Variants in TAS2R1 observed in about 807,000 individuals in gnomAD.
The protein encoded by TAS2R1 is taste 2 receptor member 1, also known as taste receptor type 2 member 1.
For missense variants in TAS2R1, 370 were observed against 353.4 expected, an observed-to-expected ratio of 1.05 and a Z score of -0.38; for synonymous variants, 141 against 134.2, an observed-to-expected ratio of 1.05 and a Z score of -0.35.
upstream of TAS2R1, among the ~76,000 whole-genome samples, chr5:9,634,402 G>A (rs1307696025): frequency 2.0e-5 from 3 of 150,798 alleles, no homozygotes; most frequent in Admixed American, 2.0e-4. Flanking sequence ...TATTGTTGTT[G>A]TTGTTGCGTA....
Position 9,630,174 on chromosome 5 carries a change from G to A in TAS2R1, c.-142C>T, listed in dbSNP as rs1265983837. 1 of 640,864 alleles carries A rather than the reference G, an allele frequency of 1.6e-6. No homozygotes were observed. The highest frequency in any genetic ancestry group is 2.5e-6 in the Non-Finnish European group (1 of 394,082). 39.7% of individuals were successfully genotyped at this position (640,864 alleles called of 1,614,324 possible). On this transcript the variant is annotated 5_prime_UTR_variant, in exon 1 of 1. Coordinates refer to ENST00000382492, the MANE Select transcript of TAS2R1 (RefSeq NM_019599.3). ...TAAAGGCATGGGGCAGGAAGGTGGTGTACATTTGTTTATGTCACTGCTTTC... is the reference window on the plus strand; with the variant it reads ...TAAAGGCATGGGGCAGGAAGGTGGTATACATTTGTTTATGTCACTGCTTTC...
At chr5:9,851,588 C>A in the TAS2R1 span, among the ~76,000 whole-genome samples, 1 of 151,238 alleles carries the variant, frequency 6.6e-6, no homozygotes, top group South Asian at 2.1e-4. Flanking sequence ...ACAAGAAGTG[C>A]AGCATGAACA....
At chr5:9,833,900 T>C in the TAS2R1 span, among the ~76,000 whole-genome samples, 2 of 152,164 alleles carry the variant, frequency 1.3e-5, no homozygotes, top group Non-Finnish European at 2.9e-5. Flanking sequence ...CTCTAAACTT[T>C]CCAACTTTTA....
At chr5:9,770,043 G>A in the TAS2R1 span, among the ~76,000 whole-genome samples, 6 of 152,084 alleles carry the variant, frequency 3.9e-5, no homozygotes, top group African/African-American at 9.7e-5. Context: ...TAATTTCATA[G>A]TTTGGGTATT....
intron 2 of TAS2R1, among the ~76,000 whole-genome samples, chr5:9,635,639 T>C (rs1288756493): frequency 1.3e-5 from 2 of 152,072 alleles, no homozygotes; most frequent in Non-Finnish European, 2.9e-5. Flanking sequence ...TTGTTATTTG[T>C]CTGTTCAGTT....
chr5:9,691,282 A>G (rs1741245769), intron 1 of TAS2R1, among the ~76,000 whole-genome samples: 1 of 152,242 alleles, frequency 6.6e-6, no homozygotes, highest in South Asian at 2.1e-4. Flanking sequence ...GGGCCAAGGA[A>G]TGCCTGGAGC....
chr5:9,746,287 G>A, the TAS2R1 span, among the ~76,000 whole-genome samples: 1 of 152,308 alleles, frequency 6.6e-6, no homozygotes, highest in African/African-American at 2.4e-5. Context: ...AGAGGATGTG[G>A]AGAAATAGGA....
the TAS2R1 span, among the ~76,000 whole-genome samples, chr5:9,877,834 T>C: frequency 1.3e-5 from 2 of 152,222 alleles, no homozygotes; most frequent in South Asian, 4.1e-4. Context: ...CTTCTTCCTC[T>C]TCTTTTTTTT....
intron 1 of TAS2R1, among the ~76,000 whole-genome samples, chr5:9,672,794 G>A (rs557103158): frequency 6.6e-6 from 1 of 152,210 alleles, no homozygotes; most frequent in Admixed American, 6.5e-5. Flanking sequence ...CCATTATTGG[G>A]TATATACCCA....
chr5:9,715,473 C>T (rs1215505400), upstream of TAS2R1, among the ~76,000 whole-genome samples: 2 of 152,332 alleles, frequency 1.3e-5, no homozygotes, highest in East Asian at 1.9e-4. Flanking sequence ...GCCCTCCATA[C>T]AGCTTATTGA....
chr5:9,874,189 C>T, the TAS2R1 span, among the ~76,000 whole-genome samples: 1 of 152,084 alleles, frequency 6.6e-6, no homozygotes, highest in African/African-American at 2.4e-5. Flanking sequence ...TAAACTATAT[C>T]CTTTATTTTT....
At chr5:9,813,415 G>C in the TAS2R1 span, among the ~76,000 whole-genome samples, 2 of 152,122 alleles carry the variant, frequency 1.3e-5, no homozygotes, top group African/African-American at 4.8e-5. Context: ...TCTAGAAAAG[G>C]ATATGTATGA....
chr5:9,724,733 C>G, the TAS2R1 span, among the ~76,000 whole-genome samples: 1 of 152,176 alleles, frequency 6.6e-6, no homozygotes, highest in South Asian at 2.1e-4. Context: ...TTGAGCAAGT[C>G]TTCTCTGGTG....
At chr5:9,631,851 A>C (rs574914728), upstream of TAS2R1, among the ~76,000 whole-genome samples, 10 of 152,200 alleles carry the variant, frequency 6.6e-5, no homozygotes, top group African/African-American at 2.4e-4. Context: ...TCTTGGACTC[A>C]CTCTGTTCTT....
chr5:9,827,237 T>TCAC, the TAS2R1 span, among the ~76,000 whole-genome samples: 1 of 152,222 alleles, frequency 6.6e-6, no homozygotes, highest in Non-Finnish European at 1.5e-5. Context: ...CCTTCACCTG[T>TCAC]CACCTCCTTT....
At chr5:9,693,367 A>G (rs2126519448) in intron 1 of TAS2R1, among the ~76,000 whole-genome samples, 1 of 152,056 alleles carries the variant, frequency 6.6e-6, no homozygotes, top group Admixed American at 6.5e-5. Context: ...TCTACTAAAA[A>G]TACAAAATTA....
At chr5:9,821,907 A>G in the TAS2R1 span, among the ~76,000 whole-genome samples, 1 of 152,324 alleles carries the variant, frequency 6.6e-6, no homozygotes, top group East Asian at 1.9e-4. Context: ...TTTCACATGT[A>G]TAAAATCTAA....
the TAS2R1 span, among the ~76,000 whole-genome samples, chr5:9,777,080 G>T: frequency 2.0e-5 from 3 of 152,180 alleles, no homozygotes; most frequent in African/African-American, 7.2e-5. Flanking sequence ...TATGTTGATG[G>T]CTGTTGATTG....
the TAS2R1 span, among the ~76,000 whole-genome samples, chr5:9,744,792 A>T: frequency 6.6e-6 from 1 of 152,212 alleles, no homozygotes; most frequent in Admixed American, 6.5e-5. Flanking sequence ...GAAAATGTTT[A>T]TCATATTTAA....
Sources: gnomAD v4.1 joint callset for allele counts (sites outside exome capture counted in the v4.1 genomes callset) on GRCh38, gnomAD v4.1.1 for gene constraint, MANE v1.5 for transcripts, NCBI Gene and HGNC (gene_info 2026-07-23, HGNC 2026-07-21) for gene names.